The following MYOCOS variants were observed in gnomAD, a reference collection of about 807,000 sequenced individuals.
MYOCOS encodes the protein myocilin opposite strand.
At chr1:171,605,390 CACACA>C (rs1177340570) in intron 1 of MYOCOS, among the ~76,000 whole-genome samples, 1 of 133,306 alleles carries the variant, frequency 7.5e-6, no homozygotes, top group Non-Finnish European at 1.5e-5. Context: ...CACACACACA[CACACA>C]AAAAAAAAAA....
intron 2 of MYOCOS, among the ~76,000 whole-genome samples, chr1:171,625,049 A>G (rs1652666586): frequency 6.6e-6 from 1 of 152,218 alleles, no homozygotes; most frequent in Non-Finnish European, 1.5e-5. Context: ...CTTTGACCTT[A>G]GAGTTTATTG....
At chr1:171,625,863 C>T (rs987097910) in intron 2 of MYOCOS, among the ~76,000 whole-genome samples, 5 of 152,112 alleles carry the variant, frequency 3.3e-5, no homozygotes, top group Non-Finnish European at 5.9e-5. Context: ...CTAAGATACC[C>T]TTGGAGGATG....
At chr1:171,617,008 CAG>C (rs1392991856) in intron 2 of MYOCOS, among the ~76,000 whole-genome samples, 1 of 152,170 alleles carries the variant, frequency 6.6e-6, no homozygotes, top group Non-Finnish European at 1.5e-5. Flanking sequence ...ATTTTGCAGA[CAG>C]ACAGCAGGAA....
chr1:171,623,153 C>T (rs1042100322), intron 1 of MYOCOS, among the ~76,000 whole-genome samples: 4 of 152,126 alleles, frequency 2.6e-5, no homozygotes, highest in African/African-American at 7.2e-5. Context: ...ACCGAGACAG[C>T]TCTGCTACAC....
At chr1:171,609,916 T>C (rs1279710030) in intron 1 of MYOCOS, among the ~76,000 whole-genome samples, 3 of 152,232 alleles carry the variant, frequency 2.0e-5, no homozygotes, top group Non-Finnish European at 2.9e-5. Flanking sequence ...TGACCAAGAC[T>C]GCAGTCGCAT....
At chr1:171,601,187 CCA>C (rs1366534969) in intron 1 of MYOCOS, 1 of 152,312 alleles carries the variant, frequency 6.6e-6, no homozygotes, top group Non-Finnish European at 1.5e-5. Context: ...CACTTGGAGT[CCA>C]GACATCTGAA....
At chr1:171,605,420 A>G (rs1481433892) in intron 1 of MYOCOS, among the ~76,000 whole-genome samples, 1 of 142,102 alleles carries the variant, frequency 7.0e-6, no homozygotes, top group African/African-American at 2.5e-5. Context: ...GTTACATGAT[A>G]AAGTTCCAGT....
chr1:171,604,125 T>C (rs235891), intron 1 of MYOCOS: 99,050 of 151,650 alleles, frequency 0.65, 32,619 homozygotes, highest in African/African-American at 0.74. Context: ...CCGAGACCAC[T>C]GTTTAACATC....
intron 1 of MYOCOS, among the ~76,000 whole-genome samples, 159 bp downstream of exon 1, chr1:171,622,491 G>A (rs565576674): frequency 3.3e-5 from 5 of 152,312 alleles, no homozygotes; most frequent in African/African-American, 1.2e-4. Flanking sequence ...AGATGAAGTA[G>A]CTGGTATGTG....
chr1:171,605,394 C>CACACAAA (rs376886204), intron 1 of MYOCOS, among the ~76,000 whole-genome samples: 33 of 127,558 alleles, frequency 2.6e-4, no homozygotes, highest in Admixed American at 6.0e-4. Context: ...CACACACACA[C>CACACAAA]AAAAAAAAAA....
chr1:171,608,929 C>T (rs1167429625), intron 1 of MYOCOS, among the ~76,000 whole-genome samples: 1 of 152,148 alleles, frequency 6.6e-6, no homozygotes, highest in Non-Finnish European at 1.5e-5. Flanking sequence ...ACATAGCCTC[C>T]ACTATAGTTC....
chr1:171,602,093 G>A (rs1213398269), intron 1 of MYOCOS, among the ~76,000 whole-genome samples: 1 of 151,894 alleles, frequency 6.6e-6, no homozygotes, highest in Non-Finnish European at 1.5e-5. Context: ...AAAAAAAAGG[G>A]GGGAGGCAGA....
chr1:171,621,480 A>G (rs1187518037), upstream of MYOCOS, among the ~76,000 whole-genome samples: 1 of 143,070 alleles, frequency 7.0e-6, no homozygotes, highest in African/African-American at 2.6e-5. Context: ...GGTTCACGCC[A>G]TTCTCCTGCC....
At position 171,607,804 on chromosome 1, in the gene MYOCOS, TACAGAAA is replaced by T. The variant is rs1652278940; in HGVS notation, c.-252+6729_-252+6735del. On this transcript the variant is annotated intron_variant, in intron 1 of 3. Coordinates refer to the MYOCOS transcript ENST00000636697. ...TCCATATTTATCTTTGGCCAGGGTG[TACAGAAA>T]ACAGTGCAGTCTGTGTTCACAAGTC... 2.6e-5 allele frequency among the ~76,000 whole-genome samples: 4 copies of T among 152,332 alleles called. No individual in the cohort carries two copies. In the East Asian group the frequency reaches 5.8e-4, roughly 22 times the overall value.
chr1:171,602,713 A>T (rs1347188481), intron 1 of MYOCOS, among the ~76,000 whole-genome samples: 2 of 152,228 alleles, frequency 1.3e-5, no homozygotes, highest in East Asian at 3.9e-4. Context: ...TAAAAGTAAA[A>T]TTTAACTTAC....
chr1:171,618,482 G>T (rs1005813045), upstream of MYOCOS, among the ~76,000 whole-genome samples: 1 of 152,158 alleles, frequency 6.6e-6, no homozygotes, highest in Admixed American at 6.5e-5. Context: ...ATGTGCCTTT[G>T]GGGTTCCAGT....
At chr1:171,617,177 T>C (rs756730199) in intron 2 of MYOCOS, among the ~76,000 whole-genome samples, 1 of 152,106 alleles carries the variant, frequency 6.6e-6, no homozygotes, top group Non-Finnish European at 1.5e-5. Context: ...TGATGAGAGC[T>C]GCTGCTGAAT....
intron 1 of MYOCOS, among the ~76,000 whole-genome samples, chr1:171,605,790 C>A (rs980762209): frequency 6.6e-6 from 1 of 152,074 alleles, no homozygotes; most frequent in African/African-American, 2.4e-5. Context: ...GATATCGAAC[C>A]CCCATCTACA....
chr1:171,612,624 G>A (rs186605816), intron 1 of MYOCOS, among the ~76,000 whole-genome samples: 2,120 of 151,488 alleles, frequency 0.014, 55 homozygotes, highest in African/African-American at 0.049. Context: ...TCAGGAGTTC[G>A]AGACCAGCCT....
Sources: gnomAD v4.1 joint callset for allele counts (sites outside exome capture counted in the v4.1 genomes callset) on GRCh38, gnomAD v4.1.1 for gene constraint, MANE v1.5 for transcripts, NCBI Gene and HGNC (gene_info 2026-07-23, HGNC 2026-07-21) for gene names.